EPAS1: variants seen among roughly 807,000 people sequenced by gnomAD.
The protein encoded by EPAS1 is endothelial PAS domain protein 1.
In EPAS1, 23 loss-of-function variants were observed where a neutral mutation model predicts 87.9. That is an observed-to-expected ratio of 0.26 (90% confidence interval 0.19 to 0.37). EPAS1 has a LOEUF of 0.37. Ranked by LOEUF, EPAS1 falls within the 10% of genes least tolerant of loss-of-function variation. The pLI is 1.00. For missense variants in EPAS1, 1,138 were observed against 1,120.7 expected (o/e 1.02, Z -0.22); for synonymous variants, 508 against 444.3 (o/e 1.14, Z -1.80).
intron 1 of EPAS1, among the ~76,000 whole-genome samples, chr2:46,338,922 TGGGGTG>T (rs968815140): frequency 4.2e-4 from 10 of 23,564 alleles, no homozygotes; most frequent in African/African-American, 1.7e-3. Flanking sequence ...TCAGCTTTCA[TGGGGTG>T]GGGGTGGGGT....
At chr2:46,328,625 G>A (rs1425221486) in intron 1 of EPAS1, among the ~76,000 whole-genome samples, 1 of 152,196 alleles carries the variant, frequency 6.6e-6, no homozygotes, top group East Asian at 1.9e-4. Flanking sequence ...AGAAGTCCTA[G>A]TTATAAATGT....
At chr2:46,342,245 C>G (rs1328564861) in intron 1 of EPAS1, among the ~76,000 whole-genome samples, 6 of 152,214 alleles carry the variant, frequency 3.9e-5, no homozygotes, top group Non-Finnish European at 7.3e-5. Flanking sequence ...GTGACTCTTT[C>G]TCATCTCTGG....
At chr2:46,379,834 C>G (rs896947598) in intron 11 of EPAS1, 1 of 283,810 alleles carries the variant, frequency 3.5e-6, no homozygotes, top group Non-Finnish European at 6.8e-6. Context: ...AAAAAAAAGC[C>G]ACAGTGTGCA....
intron 11 of EPAS1, chr2:46,379,633 CCCTG>C (rs869211853): frequency 7.4e-6 from 1 of 135,800 alleles, no homozygotes; most frequent in South Asian, 2.0e-4. Flanking sequence ...GCTTGTATTC[CCCTG>C]CTTGTATCAT....
rs568433295 is a variant in EPAS1 at position 46,371,688 on chromosome 2, T to C, written c.886+1755T>C. Among the ~76,000 whole-genome samples the C allele has an allele frequency of 6.6e-6, 1 of 152,308 alleles. No individual in the cohort carries two copies. The highest frequency in any genetic ancestry group is 2.1e-4 in the South Asian group (1 of 4,830). On this transcript the variant is annotated intron_variant, in intron 7 of 15. Coordinates refer to ENST00000263734, the MANE Select transcript of EPAS1 (RefSeq NM_001430.5). The surrounding 1 kb of genome is among the most constrained non-coding windows in gnomAD (Gnocchi z 4.3). ...AGGGGTTCCTGTTTTCAAAGGCAGG[T>C]GACAGAATCATCCAGGCACTGGGAC...
At chr2:46,323,391 T>C (rs544923101) in intron 1 of EPAS1, among the ~76,000 whole-genome samples, 1 of 152,248 alleles carries the variant, frequency 6.6e-6, no homozygotes, top group Non-Finnish European at 1.5e-5. Context: ...ATGAGGTCTT[T>C]TAACAAATGG....
rs1470742039 is a variant in EPAS1, at chr2:46,356,795, G to C, written c.441G>C (p.Leu147=). Residue 147 remains leucine, a synonymous_variant, in exon 4 of 16, where the codon CTG becomes CTC. Transcript: ENST00000263734. ...PCDHEEIREN[L]SLKNGSGFGK... The stretch of plus-strand genomic sequence containing the variant: ...ACCATGAGGAGATTCGTGAGAACCT[G>C]AGTCTCAAAAATGGTATCCTTAATT... 6.2e-7 allele frequency: 1 copy of C among 1,613,124 alleles called. No individual in the cohort carries two copies. The highest frequency in any genetic ancestry group is 8.5e-7 in the Non-Finnish European group (1 of 1,179,170).
chr2:46,317,529 C>A (rs1443296088), intron 1 of EPAS1, among the ~76,000 whole-genome samples: 2 of 152,124 alleles, frequency 1.3e-5, no homozygotes, highest in Non-Finnish European at 2.9e-5. Context: ...TGATAGAGCA[C>A]CAATAAAGTA....
rs549871238 is a variant in EPAS1, at chr2:46,382,187, C to T, written c.2287+98C>T. The stretch of plus-strand genomic sequence containing the variant: ...GTTCTTCCATTCACCACAGGCCGTA[C>T]CTGCCTCTCTGAGCCTTGTTAGAAT... On this transcript the variant is annotated intron_variant, in intron 14 of 15. Transcript: ENST00000263734. 10 of 1,214,682 alleles carry T rather than the reference C, an allele frequency of 8.2e-6. No individual in the cohort carries two copies. The African/African-American group carries it at 1.5e-4, about 18-fold the overall frequency. 75.2% of individuals were successfully genotyped at this position (1,214,682 alleles called of 1,614,324 possible).
chr2:46,308,141 C>T (rs942965391), intron 1 of EPAS1, among the ~76,000 whole-genome samples: 3 of 152,198 alleles, frequency 2.0e-5, no homozygotes, highest in African/African-American at 7.2e-5. Flanking sequence ...CTCATTCCCA[C>T]TTCTATTCCC....
chr2:46,366,315 G>C (rs937941372), intron 6 of EPAS1, among the ~76,000 whole-genome samples: 4 of 150,846 alleles, frequency 2.7e-5, no homozygotes, highest in Non-Finnish European at 5.9e-5. Context: ...ACAGTTTTGA[G>C]AGTAAAGAGC....
At chr2:46,356,843 C>T (rs761056194) in intron 4 of EPAS1, 35 bp downstream of exon 4, 6 of 1,498,748 alleles carry the variant, frequency 4.0e-6, no homozygotes, top group African/African-American at 1.4e-5. Context: ...TTCTTGCCCC[C>T]ACTGGGTGGG....
At chr2:46,337,196 A>C (rs1683812016) in intron 1 of EPAS1, among the ~76,000 whole-genome samples, 1 of 152,144 alleles carries the variant, frequency 6.6e-6, no homozygotes, top group African/African-American at 2.4e-5. Context: ...TCTTTCCCTG[A>C]AGAGTATGTG....
In EPAS1 at chr2:46,360,364, C is replaced by G. The variant is rs1684361703; in HGVS notation, c.455-274C>G. ...GTCGCTGCTCTGAAGGCACCACTGACCATGTTCCAGATGCAATGGGAAATC... is the reference window on the plus strand; with the variant it reads ...GTCGCTGCTCTGAAGGCACCACTGAGCATGTTCCAGATGCAATGGGAAATC... On this transcript the variant is annotated intron_variant, in intron 4 of 15. Coordinates refer to ENST00000263734, the MANE Select transcript of EPAS1 (RefSeq NM_001430.5). The surrounding 1 kb of genome is among the most constrained non-coding windows in gnomAD (Gnocchi z 4.5). Among the ~76,000 whole-genome samples, 1 of 152,212 alleles carries G rather than the reference C, an allele frequency of 6.6e-6. No individual in the cohort carries two copies. The highest frequency in any genetic ancestry group is 2.4e-5 in the African/African-American group (1 of 41,446).
chr2:46,383,270 C>G (rs17035091), intron 15 of EPAS1, among the ~76,000 whole-genome samples: 13,851 of 152,234 alleles, frequency 0.091, 1,278 homozygotes, highest in African/African-American at 0.23. Context: ...GCCAAAACTT[C>G]CTTCAGGTAG....
At chr2:46,356,453 C>T (rs549433936) in intron 3 of EPAS1, 151 bp downstream of exon 3, 19 of 996,422 alleles carry the variant, frequency 1.9e-5, no homozygotes, top group Non-Finnish European at 2.6e-5. Context: ...CCTCAGGCCA[C>T]GCTCCCACCC....
chr2:46,303,027 C>T (rs889226125), intron 1 of EPAS1, among the ~76,000 whole-genome samples: 11 of 152,100 alleles, frequency 7.2e-5, no homozygotes, highest in African/African-American at 2.2e-4. Context: ...GAGCCGAGAT[C>T]GTGCCACTGC....
intron 1 of EPAS1, among the ~76,000 whole-genome samples, chr2:46,320,984 G>C (rs1683445134): frequency 6.6e-6 from 1 of 152,166 alleles, no homozygotes; most frequent in African/African-American, 2.4e-5. Context: ...CACTGCTCAA[G>C]AACTTTTTCA....
intron 1 of EPAS1, among the ~76,000 whole-genome samples, chr2:46,315,779 G>C (rs1176798732): frequency 6.6e-6 from 1 of 152,368 alleles, no homozygotes; most frequent in African/African-American, 2.4e-5. Context: ...TGGGCTCTGA[G>C]GGTGGAGGGC....
Sources: gnomAD v4.1 joint callset for allele counts (sites outside exome capture counted in the v4.1 genomes callset) on GRCh38, gnomAD v4.1.1 for gene constraint, Gnocchi (gnomAD v3.1) non-coding constraint, MANE v1.5 for transcripts, NCBI Gene and HGNC (gene_info 2026-07-23, HGNC 2026-07-21) for gene names.